GRM5: variants seen among roughly 807,000 people sequenced by gnomAD.
The protein encoded by GRM5 is metabotropic glutamate receptor 5.
Under a neutral mutation model 83.1 loss-of-function variants are expected in GRM5, and 19 were observed. That is an observed-to-expected ratio of 0.23 (90% CI 0.16 to 0.34). The LOEUF (loss-of-function observed/expected upper bound fraction) is 0.34, where lower values mean the gene tolerates loss of function less well. Among genes scored for constraint, GRM5 ranks in the 10% least tolerant of loss-of-function variants. The probability of loss-of-function intolerance (pLI) is 1.00; values close to 1 mark genes in which losing one functional copy is unlikely to be tolerated. For missense variants in GRM5, 1,160 were observed against 1,588.3 expected, an observed-to-expected ratio of 0.73 and a Z score of 4.58; for synonymous variants, 675 against 633.6, an observed-to-expected ratio of 1.07 and a Z score of -0.98.
chr11:88,721,045 T>TTAAG (rs1941526303), intron 3 of GRM5, among the ~76,000 whole-genome samples: 1 of 152,042 alleles, frequency 6.6e-6, no homozygotes, highest in Non-Finnish European at 1.5e-5. Context: ...TTGTGTGATT[T>TTAAG]TAAGTACATT....
chr11:88,729,846 G>C (rs1057093522), intron 3 of GRM5, among the ~76,000 whole-genome samples: 2 of 152,076 alleles, frequency 1.3e-5, no homozygotes, highest in Admixed American at 6.5e-5. Flanking sequence ...ACTAAAACTG[G>C]ACCCCTTCCT....
At chr11:88,538,257 T>C (rs1189857705) in intron 8 of GRM5, among the ~76,000 whole-genome samples, 1 of 152,216 alleles carries the variant, frequency 6.6e-6, no homozygotes, top group Non-Finnish European at 1.5e-5. Context: ...ATTTTAATCC[T>C]ACTTATGATG....
At chr11:88,844,495 T>C (rs1944264850) in intron 3 of GRM5, among the ~76,000 whole-genome samples, 1 of 150,834 alleles carries the variant, frequency 6.6e-6, no homozygotes, top group Non-Finnish European at 1.5e-5. Flanking sequence ...TTTAGTGTTG[T>C]TTACATGCCT....
intron 2 of GRM5, among the ~76,000 whole-genome samples, chr11:88,987,886 T>G (rs7123850): frequency 0.08 from 11,921 of 149,502 alleles, 1,546 homozygotes; most frequent in African/African-American, 0.28. Flanking sequence ...AGACCAAAAG[T>G]AGATAAAACC....
intron 3 of GRM5, among the ~76,000 whole-genome samples, chr11:88,810,813 T>C (rs895825614): frequency 2.0e-4 from 31 of 152,142 alleles, no homozygotes; most frequent in Non-Finnish European, 7.4e-5. Flanking sequence ...AATCTATTTA[T>C]TGCCATCTAT....
intron 2 of GRM5, among the ~76,000 whole-genome samples, chr11:88,861,190 T>A (rs1282917146): frequency 2.0e-5 from 3 of 152,106 alleles, no homozygotes; most frequent in African/African-American, 7.2e-5. Context: ...AGGGTAGAAT[T>A]CAAACTTCTT....
intron 3 of GRM5, among the ~76,000 whole-genome samples, chr11:88,807,702 G>T (rs969450184): frequency 6.6e-6 from 1 of 151,998 alleles, no homozygotes; most frequent in Non-Finnish European, 1.5e-5. Context: ...TATTCAAATT[G>T]CATTTAGTGT....
intron 3 of GRM5, among the ~76,000 whole-genome samples, chr11:88,750,495 C>A (rs1942245700): frequency 6.6e-6 from 1 of 152,164 alleles, no homozygotes; most frequent in Non-Finnish European, 1.5e-5. Flanking sequence ...TAATGGGAAA[C>A]TTTAACATTC....
At chr11:88,694,367 G>A (rs1373159347) in intron 3 of GRM5, among the ~76,000 whole-genome samples, 1 of 152,030 alleles carries the variant, frequency 6.6e-6, no homozygotes, top group Non-Finnish European at 1.5e-5. Flanking sequence ...TGGATTGTGG[G>A]GACAGGAGAG....
intron 3 of GRM5, among the ~76,000 whole-genome samples, chr11:88,809,245 G>C (rs1312111350): frequency 6.6e-6 from 1 of 152,030 alleles, no homozygotes; most frequent in East Asian, 1.9e-4. Context: ...GAGGTGATAA[G>C]TCACTGTATT....
intron 2 of GRM5, among the ~76,000 whole-genome samples, chr11:88,880,226 A>G (rs1434350691): frequency 6.6e-6 from 1 of 152,150 alleles, no homozygotes; most frequent in Non-Finnish European, 1.5e-5. Context: ...GAAATAAAGG[A>G]AAAAGAAGGT....
chr11:88,531,576 T>C (rs1182310459), intron 8 of GRM5, among the ~76,000 whole-genome samples: 1 of 152,160 alleles, frequency 6.6e-6, no homozygotes, highest in East Asian at 1.9e-4. Context: ...GAGTATCCCA[T>C]GGCATACTTA....
intron 8 of GRM5, among the ~76,000 whole-genome samples, chr11:88,525,707 C>T: frequency 6.6e-6 from 1 of 152,170 alleles, no homozygotes; most frequent in Non-Finnish European, 1.5e-5. Flanking sequence ...TTTCTAGCAT[C>T]TTAGAAAAAG....
At chr11:88,625,431 T>A (rs951447193) in intron 4 of GRM5, among the ~76,000 whole-genome samples, 1 of 152,002 alleles carries the variant, frequency 6.6e-6, no homozygotes, top group African/African-American at 2.4e-5. Context: ...ATACAAAGAG[T>A]AATTTTTTCT....
intron 2 of GRM5, among the ~76,000 whole-genome samples, chr11:88,863,653 T>TA (rs35379485): frequency 0.42 from 63,480 of 151,790 alleles, 13,506 homozygotes; most frequent in East Asian, 0.57. Flanking sequence ...CTAAAGAGCA[T>TA]AAAAAACTGT....
intron 3 of GRM5, among the ~76,000 whole-genome samples, chr11:88,795,143 T>G (rs192009812): frequency 2.6e-5 from 4 of 151,292 alleles, no homozygotes; most frequent in African/African-American, 9.7e-5. Context: ...TTGAGAGGGA[T>G]TGAGATCTCC....
At chr11:88,556,398 CTG>C (rs1383296242) in intron 8 of GRM5, among the ~76,000 whole-genome samples, 1 of 150,714 alleles carries the variant, frequency 6.6e-6, no homozygotes, top group Non-Finnish European at 1.5e-5. Flanking sequence ...TCTTGGCTCA[CTG>C]CAATCTCCAC....
intron 3 of GRM5, among the ~76,000 whole-genome samples, chr11:88,711,213 C>T (rs945836170): frequency 6.6e-6 from 1 of 152,046 alleles, no homozygotes; most frequent in Non-Finnish European, 1.5e-5. Flanking sequence ...GAAAGGAACA[C>T]AGACAGCCCT....
At chr11:88,532,840 GA>G (rs574842474) in intron 8 of GRM5, among the ~76,000 whole-genome samples, 1 of 152,022 alleles carries the variant, frequency 6.6e-6, no homozygotes, top group African/African-American at 2.4e-5. Context: ...AGTAATTGTA[GA>G]AAAAAGGAGG....
Sources: gnomAD v4.1 joint callset for allele counts (sites outside exome capture counted in the v4.1 genomes callset) on GRCh38, gnomAD v4.1.1 for gene constraint, MANE v1.5 for transcripts, NCBI Gene and HGNC (gene_info 2026-07-23, HGNC 2026-07-21) for gene names.